Variants in CD2AP observed in about 807,000 individuals in gnomAD.
CD2AP encodes CD2-associated protein.
CD2AP carries 46 observed loss-of-function variants against 85.1 expected under a neutral mutation model. That is an observed-to-expected ratio of 0.54 (90% CI 0.43 to 0.69). The LOEUF (loss-of-function observed/expected upper bound fraction) is 0.69, where lower values mean the gene tolerates loss of function less well. Ranked by LOEUF, CD2AP falls within the 30% of genes least tolerant of loss-of-function variation. CD2AP has a pLI of 0.00. For synonymous variants in CD2AP, 255 were observed against 252.9 expected (o/e 1.01, Z -0.08); for missense variants, 769 against 729.5 (o/e 1.05, Z -0.62).
At chr6:47,612,382 C>A in intron 16 of CD2AP, 91 bp from the exon 17 acceptor site, 1 of 871,214 alleles carries the variant, frequency 1.1e-6, no homozygotes, top group Non-Finnish European at 1.9e-6. Context: ...TTCCCATGAA[C>A]TGGTAGGTTA....
chr6:47,512,030 C>T (rs954002764), intron 2 of CD2AP, among the ~76,000 whole-genome samples: 7 of 151,690 alleles, frequency 4.6e-5, no homozygotes, highest in South Asian at 2.1e-4. Context: ...TAGTGGCGGG[C>T]GGCTGTAGTC....
chr6:47,481,648 G>T (rs1187178433), intron 1 of CD2AP, among the ~76,000 whole-genome samples: 1 of 151,810 alleles, frequency 6.6e-6, no homozygotes, highest in East Asian at 2.0e-4. Context: ...ACCTGGCCTC[G>T]TGGTGGTTTT....
rs1769844623 is a variant in CD2AP, at chr6:47,624,308, T to C, written c.*81T>C. On this transcript the variant is annotated 3_prime_UTR_variant, in exon 18 of 18. Coordinates refer to ENST00000359314, the MANE Select transcript of CD2AP (RefSeq NM_012120.3). ...CTTCAGCTGACTTGTTACTTAAAAA[T>C]TGTGAATTCTGTTGTTGTGATAAAT... 6.5e-6 allele frequency: 7 copies of C among 1,074,350 alleles called. No individual in the cohort carries two copies. In the East Asian group the frequency reaches 1.7e-4, roughly 26 times the overall value. The allele number at this position is 1,074,350 out of a possible 1,614,324, so 66.6% of individuals were successfully genotyped here. A position where few individuals can be genotyped will look rare whatever the true frequency, so the allele number is the denominator to read the frequency against.
At chr6:47,546,654 C>T (rs1416762628) in intron 4 of CD2AP, among the ~76,000 whole-genome samples, 2 of 152,022 alleles carry the variant, frequency 1.3e-5, no homozygotes, top group Non-Finnish European at 2.9e-5. Flanking sequence ...GAGACCTAGA[C>T]ATCCAAATAT....
chr6:47,555,944 G>A (rs563851787), intron 5 of CD2AP, among the ~76,000 whole-genome samples: 41 of 151,842 alleles, frequency 2.7e-4, no homozygotes, highest in African/African-American at 9.9e-4. Flanking sequence ...CTTACATATG[G>A]AAGAGTAAAA....
chr6:47,484,746 T>G (rs960811594), intron 1 of CD2AP, among the ~76,000 whole-genome samples: 2 of 152,214 alleles, frequency 1.3e-5, no homozygotes, highest in African/African-American at 2.4e-5. Context: ...GAGCCTGGAT[T>G]CCAGTATCTG....
At chr6:47,576,626 A>G in intron 7 of CD2AP, 24 bp downstream of exon 7, 2 of 1,453,460 alleles carry the variant, frequency 1.4e-6, no homozygotes, top group Middle Eastern at 1.9e-4. Context: ...TAAAGCTTTC[A>G]TATTGGGAAT....
intron 5 of CD2AP, among the ~76,000 whole-genome samples, chr6:47,564,151 T>C (rs1296436137): frequency 6.6e-6 from 1 of 152,174 alleles, no homozygotes; most frequent in Non-Finnish European, 1.5e-5. Context: ...TTAGAGAACA[T>C]ACATAAGTAC....
intron 2 of CD2AP, among the ~76,000 whole-genome samples, chr6:47,525,962 CTT>C (rs1766710759): frequency 6.6e-6 from 1 of 152,022 alleles, no homozygotes; most frequent in African/African-American, 2.4e-5. Flanking sequence ...AGTGAGGACT[CTT>C]TTTTACTACA....
Position 47,546,360 on chromosome 6 carries a change from C to T in CD2AP, c.420+1654C>T, listed in dbSNP as rs369808705. ...CCAAGAAGTCTGGGATTATGTTAAA[C>T]GACCAAACGTAAGAATAGTTGGCCT... On this transcript the variant is annotated intron_variant, in intron 4 of 17. Transcript: ENST00000359314. 7.2e-5 allele frequency among the ~76,000 whole-genome samples: 11 copies of T among 151,868 alleles called. No individual in the cohort carries two copies. In the East Asian group the frequency reaches 7.7e-4, roughly 11 times the overall value.
chr6:47,598,655 A>G (rs1313225663), intron 12 of CD2AP, among the ~76,000 whole-genome samples: 1 of 150,942 alleles, frequency 6.6e-6, no homozygotes, highest in Non-Finnish European at 1.5e-5. Context: ...TTAGGAATGG[A>G]AAATCAAACA....
intron 4 of CD2AP, among the ~76,000 whole-genome samples, chr6:47,545,537 G>T (rs1004301142): frequency 6.6e-6 from 1 of 152,128 alleles, no homozygotes; most frequent in African/African-American, 2.4e-5. Context: ...CCCAGCAGGA[G>T]ACCAACCAGC....
chr6:47,552,747 T>C (rs1767562424), intron 4 of CD2AP, among the ~76,000 whole-genome samples: 1 of 152,196 alleles, frequency 6.6e-6, no homozygotes, highest in Admixed American at 6.6e-5. Context: ...TATTCTAGTT[T>C]GGTCTACATC....
intron 4 of CD2AP, among the ~76,000 whole-genome samples, chr6:47,550,732 CAT>C (rs201437337): frequency 0.016 from 2,381 of 152,198 alleles, 44 homozygotes; most frequent in African/African-American, 0.038. Context: ...GTTGCACACA[CAT>C]GTTTATAGCA....
At chr6:47,478,349 C>T (rs1190819960) in intron 1 of CD2AP, 101 bp downstream of exon 1, 2 of 1,378,768 alleles carry the variant, frequency 1.5e-6, no homozygotes, top group Middle Eastern at 1.8e-4. Context: ...CGGTCAGCCC[C>T]TGAGCGGCAG....
intron 2 of CD2AP, among the ~76,000 whole-genome samples, chr6:47,520,651 G>A (rs7745990): frequency 0.59 from 88,832 of 150,980 alleles, 27,049 homozygotes; most frequent in Middle Eastern, 0.74. Context: ...TGATTGGGGC[G>A]CCTTATTATA....
At chr6:47,589,379 T>TATACATACACACACACACACACACAC (rs144886557) in intron 11 of CD2AP, among the ~76,000 whole-genome samples, 2 of 139,386 alleles carry the variant, frequency 1.4e-5, no homozygotes, top group African/African-American at 5.3e-5. Context: ...CTCTTGAATA[T>TATACATACACACACACACACACACAC]ACACACACAC....
rs1005720613 is a variant in CD2AP at position 47,529,443 on chromosome 6, T to C, written c.166-4159T>C. The stretch of plus-strand genomic sequence containing the variant: ...GTATCTACATCATTCCCAGTCTGAG[T>C]GTGCCTTGCGATGGAATGGTGTCCT... On this transcript the variant is annotated intron_variant, in intron 2 of 17. Coordinates refer to ENST00000359314, the MANE Select transcript of CD2AP (RefSeq NM_012120.3). Among the ~76,000 whole-genome samples the C allele has an allele frequency of 1.3e-3, 203 of 152,276 alleles. 5 individuals carry two copies. Among genetic ancestry groups the C allele is most frequent in the Non-Finnish European group, 1.2e-4 (8 of 68,024 alleles).
At chr6:47,507,896 A>G (rs1378522588) in intron 2 of CD2AP, among the ~76,000 whole-genome samples, 3 of 152,204 alleles carry the variant, frequency 2.0e-5, no homozygotes, top group Non-Finnish European at 2.9e-5. Flanking sequence ...TGCATCATCA[A>G]TATGCATTAG....
Sources: allele counts gnomAD v4.1 joint callset (sites outside exome capture counted in the v4.1 genomes callset), GRCh38; gene constraint gnomAD v4.1.1; transcripts MANE v1.5; gene names NCBI Gene and HGNC (gene_info 2026-07-23, HGNC 2026-07-21).